The following FAM220A variants were observed in gnomAD, a reference collection of about 807,000 sequenced individuals.
The protein encoded by FAM220A is family with sequence similarity 220 member A.
For synonymous variants in FAM220A, 141 were observed against 130.7 expected (o/e 1.08, Z -0.54); for missense variants, 392 against 321.6 (o/e 1.22, Z -1.68).
chr7:6,339,863 C>T (rs1488991520), intron 1 of FAM220A, among the ~76,000 whole-genome samples: 4 of 151,676 alleles, frequency 2.6e-5, no homozygotes, highest in East Asian at 3.9e-4. Context: ...GTGCAGAGGC[C>T]GGGTGCCAGC....
At chr7:6,348,153 G>A (rs1353026496) in intron 1 of FAM220A, among the ~76,000 whole-genome samples, 3 of 147,378 alleles carry the variant, frequency 2.0e-5, no homozygotes, top group African/African-American at 7.4e-5. Context: ...CAGGTAATCC[G>A]CCCGCCTCAG....
intron 1 of FAM220A, among the ~76,000 whole-genome samples, chr7:6,333,153 C>T (rs1208127847): frequency 1.4e-5 from 2 of 141,180 alleles, no homozygotes; most frequent in Non-Finnish European, 3.0e-5. Context: ...AAGACTCCAT[C>T]CCAAATAAAA....
intron 1 of FAM220A, among the ~76,000 whole-genome samples, chr7:6,334,453 T>C (rs1011135421): frequency 6.6e-6 from 1 of 151,860 alleles, no homozygotes; most frequent in Non-Finnish European, 1.5e-5. Context: ...GGAGAACAGC[T>C]TGAGTCCCAG....
At position 6,329,620 on chromosome 7, in the gene FAM220A, C is replaced by T. The variant is rs1401217156; in HGVS notation, c.*755G>A. The T allele has an allele frequency of 1.2e-5, 2 of 160,770 alleles. No individual in the cohort carries two copies. Among genetic ancestry groups the T allele is most frequent in the African/African-American group, 4.8e-5 (2 of 41,424 alleles). The allele number at this position is 160,770 out of a possible 1,614,324, so 10.0% of individuals were successfully genotyped here. On this transcript the variant is annotated 3_prime_UTR_variant, in exon 2 of 2. Transcript: ENST00000313324. ...TATTAAAGTTATCAACAGACGACAA[C>T]AGGAGTCACCTTGAAAAATTTTAGG...
At position 6,348,886 on chromosome 7, in the gene FAM220A, C is replaced by A. The variant is rs983233029; in HGVS notation, c.-395G>T. The A allele has an allele frequency of 1.3e-5, 5 of 387,802 alleles. No individual in the cohort carries two copies. The highest frequency in any genetic ancestry group is 1.3e-3 in the Middle Eastern group (2 of 1,530). 24.0% of individuals were successfully genotyped at this position (387,802 alleles called of 1,614,324 possible). Reference sequence around the variant, plus strand: ...CGGCTAGACCGGCGGGCGGGCGGGCCGCAGTGGAGCGGAGTCCGCACGTCA... The same window carrying A: ...CGGCTAGACCGGCGGGCGGGCGGGCAGCAGTGGAGCGGAGTCCGCACGTCA... On this transcript the variant is annotated 5_prime_UTR_variant, in exon 1 of 2. Transcript: ENST00000313324.
At chr7:6,348,124 G>C (rs1292728552) in intron 1 of FAM220A, among the ~76,000 whole-genome samples, 1 of 150,808 alleles carries the variant, frequency 6.6e-6, no homozygotes, top group Non-Finnish European at 1.5e-5. Context: ...TGGTCAGGCT[G>C]GTCTCGAACT....
At chr7:6,348,292 C>G (rs1286355870) in intron 1 of FAM220A, among the ~76,000 whole-genome samples, 1 of 151,872 alleles carries the variant, frequency 6.6e-6, no homozygotes, top group Non-Finnish European at 1.5e-5. Flanking sequence ...TAAAGGTCCT[C>G]TTCAACACCT....
At chr7:6,333,427 T>C (rs957792025) in intron 1 of FAM220A, among the ~76,000 whole-genome samples, 3 of 152,132 alleles carry the variant, frequency 2.0e-5, no homozygotes, top group Non-Finnish European at 4.4e-5. Flanking sequence ...GTTAGGAGGC[T>C]GTTCCACAGA....
At chr7:6,344,576 G>A (rs779342057) in intron 1 of FAM220A, among the ~76,000 whole-genome samples, 4 of 151,816 alleles carry the variant, frequency 2.6e-5, no homozygotes, top group East Asian at 1.9e-4. Context: ...GCACCACCAC[G>A]CCCAGCTAAT....
chr7:6,344,563 C>G (rs969544996), intron 1 of FAM220A, among the ~76,000 whole-genome samples: 2 of 152,034 alleles, frequency 1.3e-5, no homozygotes, highest in South Asian at 2.1e-4. Context: ...GGACTATAGG[C>G]ATGCACCACC....
Position 6,330,845 on chromosome 7 carries a change from C to T in FAM220A, c.310G>A (p.Val104Met), listed in dbSNP as rs372003752. 2.3e-5 allele frequency: 37 copies of T among 1,614,194 alleles called. No homozygotes were observed. Among genetic ancestry groups the T allele is most frequent in the African/African-American group, 1.7e-4 (13 of 75,050 alleles). The part of the protein sequence containing the change: ...PASAATPSTA[V>M]GLFPAPTECF... ...TCTGTTGGAGCAGGGAACAAACCCA[C>T]GGCTGTGCTCGGAGTGGCTGCTGAG... Residue 104 changes from valine (V) to methionine (M), a missense_variant, in exon 2 of 2, where the codon GTG becomes ATG. Coordinates refer to ENST00000313324, the MANE Select transcript of FAM220A (RefSeq NM_001037163.2).
chr7:6,336,104 CGGA>C (rs1364898593), intron 1 of FAM220A, among the ~76,000 whole-genome samples: 3 of 148,492 alleles, frequency 2.0e-5, no homozygotes, highest in Non-Finnish European at 4.4e-5. Context: ...ACCTGGGAGG[CGGA>C]GGTTACAGTA....
rs370599325 is a variant in FAM220A at position 6,330,484 on chromosome 7, G to A, written c.671C>T (p.Thr224Ile). The A allele has an allele frequency of 1.2e-6, 2 of 1,614,128 alleles. No individual in the cohort carries two copies. The highest frequency in any genetic ancestry group is 1.7e-6 in the Non-Finnish European group (2 of 1,180,028). Residue 224 changes from threonine (T) to isoleucine (I), a missense_variant, in exon 2 of 2, where the codon ACA becomes ATA. Physicochemically the swap from Thr to Ile is moderately conservative, Grantham distance 89. Coordinates refer to ENST00000313324, the MANE Select transcript of FAM220A (RefSeq NM_001037163.2). ...DRLKPMFSKQTIEFKKMLKST... is the reference protein window; with the variant it reads ...DRLKPMFSKQIIEFKKMLKST... ...TTTAAGCATTTTCTTGAATTCTATT[G>A]TTTGCTTTGAAAACATGGGCTTTAA...
At chr7:6,336,626 G>A (rs970356414) in intron 1 of FAM220A, among the ~76,000 whole-genome samples, 5 of 151,684 alleles carry the variant, frequency 3.3e-5, no homozygotes, top group East Asian at 1.9e-4. Flanking sequence ...AGAGGCTGCC[G>A]TGAGCCAAGA....
chr7:6,345,817 G>A (rs573174433), intron 1 of FAM220A, among the ~76,000 whole-genome samples: 1 of 152,032 alleles, frequency 6.6e-6, no homozygotes, highest in African/African-American at 2.4e-5. Flanking sequence ...TTCCCAGGCT[G>A]GAGTGCAGTA....
chr7:6,343,492 T>C (rs1781903418), intron 1 of FAM220A, among the ~76,000 whole-genome samples: 1 of 145,938 alleles, frequency 6.9e-6, no homozygotes, highest in Non-Finnish European at 1.5e-5. Flanking sequence ...GCCATATAAC[T>C]GAAAAGTTGT....
chr7:6,331,042 G>A lies in FAM220A; in HGVS notation c.113C>T (p.Pro38Leu). 6.2e-7 allele frequency: 1 copy of A among 1,613,990 alleles called. No homozygotes were observed. The highest frequency in any genetic ancestry group is 1.1e-5 in the South Asian group (1 of 91,092). Residue 38 changes from proline (P) to leucine (L), a missense_variant, in exon 2 of 2, where the codon CCT (proline) becomes CTT (leucine). Coordinates refer to ENST00000313324, the MANE Select transcript of FAM220A (RefSeq NM_001037163.2). ...CCAGGAGGGTGCATCTGCAGGCCAA[G>A]GGCCCTCCGGCATTCTTTTCTTAAG... ...CSLKKRMPEG[P>L]WPADAPSWMN... is the part of the protein sequence containing the mutation.
At chr7:6,343,465 C>T (rs1295384589) in intron 1 of FAM220A, among the ~76,000 whole-genome samples, 3 of 138,688 alleles carry the variant, frequency 2.2e-5, no homozygotes, top group Non-Finnish European at 4.6e-5. Context: ...CTAAGAAACA[C>T]TTCGTTCTTC....
At chr7:6,348,457 C>T (rs1032570902) in intron 1 of FAM220A, 116 bp downstream of exon 1, 2 of 397,442 alleles carry the variant, frequency 5.0e-6, no homozygotes, top group Non-Finnish European at 8.9e-6. Context: ...GGAAAATGCA[C>T]GGTGCTTGAC....
Sources: gnomAD v4.1 joint callset for allele counts (sites outside exome capture counted in the v4.1 genomes callset) on GRCh38, gnomAD v4.1.1 for gene constraint, MANE v1.5 for transcripts, NCBI Gene and HGNC (gene_info 2026-07-23, HGNC 2026-07-21) for gene names.